The following CACNA2D3 variants were observed in gnomAD, a reference collection of about 807,000 sequenced individuals.
CACNA2D3 encodes voltage-dependent calcium channel subunit alpha-2/delta-3.
CACNA2D3 carries 60 observed loss-of-function variants against 160.6 expected under a neutral mutation model. The observed-to-expected ratio is 0.37, with a 90% confidence interval of 0.30 to 0.46. The LOEUF (loss-of-function observed/expected upper bound fraction) is 0.46, where lower values mean the gene tolerates loss of function less well. CACNA2D3 is among the 20% of genes least tolerant of loss of function. The pLI is 1.00. For missense variants in CACNA2D3, 1,205 were observed against 1,365.0 expected, an observed-to-expected ratio of 0.88 and a Z score of 1.85; for synonymous variants, 558 against 492.9, an observed-to-expected ratio of 1.13 and a Z score of -1.75.
At chr3:54,989,218 A>G (rs1425014978) in intron 31 of CACNA2D3, among the ~76,000 whole-genome samples, 1 of 152,136 alleles carries the variant, frequency 6.6e-6, no homozygotes, top group Non-Finnish European at 1.5e-5. Flanking sequence ...ACATTTTTCA[A>G]CTTCTTTAAC....
chr3:54,803,208 G>C (rs1703036130), intron 13 of CACNA2D3, among the ~76,000 whole-genome samples: 1 of 152,234 alleles, frequency 6.6e-6, no homozygotes, highest in Admixed American at 6.5e-5. Context: ...AAGCTGGACG[G>C]AGAATGACTT....
chr3:54,163,475 G>A (rs751298917), intron 2 of CACNA2D3, among the ~76,000 whole-genome samples: 9 of 152,162 alleles, frequency 5.9e-5, no homozygotes, highest in Non-Finnish European at 2.9e-5. Flanking sequence ...GGGCGATGGT[G>A]GAATCCATAA....
At chr3:54,259,079 A>G (rs1702355569) in intron 2 of CACNA2D3, among the ~76,000 whole-genome samples, 1 of 152,202 alleles carries the variant, frequency 6.6e-6, no homozygotes, top group South Asian at 2.1e-4. Context: ...TTCAGCCACA[A>G]TGTGGGCAGG....
At chr3:54,649,572 G>C (rs945818331) in intron 11 of CACNA2D3, among the ~76,000 whole-genome samples, 3 of 152,254 alleles carry the variant, frequency 2.0e-5, no homozygotes, top group Non-Finnish European at 4.4e-5. Context: ...GCATGGTACA[G>C]TTCTTTTTGA....
At position 54,899,792 on chromosome 3, in the gene CACNA2D3, A is replaced by G. The variant is rs1472337054; in HGVS notation, c.2373A>G (p.Pro791=). ...FVYSIPFSTG[P]VNKSNVVTAS... ...TGGTGTTTTTTCTTTTCACAGGACC[A>G]GTCAATAAAAGCAATGTGGTGACAG... Residue 791 remains proline, a synonymous_variant, in exon 27 of 38, where the codon CCA becomes CCG. Coordinates refer to ENST00000474759, the MANE Select transcript of CACNA2D3 (RefSeq NM_018398.3). 1 of 1,606,676 alleles carries G rather than the reference A, an allele frequency of 6.2e-7. No homozygotes were observed. Among genetic ancestry groups the G allele is most frequent in the Non-Finnish European group, 8.5e-7 (1 of 1,176,038 alleles).
intron 13 of CACNA2D3, among the ~76,000 whole-genome samples, chr3:54,808,552 C>T (rs1348160100): frequency 6.6e-6 from 1 of 152,006 alleles, no homozygotes; most frequent in African/African-American, 2.4e-5. Context: ...GTTGCTGTGG[C>T]CGAGGGAAAG....
At chr3:54,818,229 A>C (rs1703503142) in intron 14 of CACNA2D3, among the ~76,000 whole-genome samples, 2 of 152,174 alleles carry the variant, frequency 1.3e-5, no homozygotes, top group Non-Finnish European at 2.9e-5. Context: ...TCACTATGTC[A>C]CCCAGGCTGG....
rs1391329088 is a variant in CACNA2D3, at chr3:55,074,395, A to G, written c.*189A>G. 4.0e-6 allele frequency: 2 copies of G among 494,098 alleles called. No individual in the cohort carries two copies. Among genetic ancestry groups the G allele is most frequent in the East Asian group, 3.0e-5 (1 of 33,846 alleles). 30.6% of individuals were successfully genotyped at this position (494,098 alleles called of 1,614,324 possible). ...ATATGTTGACAAAAAGTTATCTATC[A>G]TCTTTTTACTTTGCCAGTCATGCAA... On this transcript the variant is annotated 3_prime_UTR_variant, in exon 38 of 38. Transcript: ENST00000474759.
At chr3:54,150,939 G>A (rs1281323616) in intron 2 of CACNA2D3, among the ~76,000 whole-genome samples, 1 of 150,934 alleles carries the variant, frequency 6.6e-6, no homozygotes, top group Non-Finnish European at 1.5e-5. Flanking sequence ...GTGGATAGAC[G>A]AATGAATGGA....
intron 3 of CACNA2D3, among the ~76,000 whole-genome samples, chr3:54,363,963 C>T (rs1290720901): frequency 6.6e-6 from 1 of 152,176 alleles, no homozygotes; most frequent in Non-Finnish European, 1.5e-5. Flanking sequence ...ATGGACATCT[C>T]TAACCTCCAA....
intron 4 of CACNA2D3, among the ~76,000 whole-genome samples, chr3:54,493,019 T>TATAA (rs374106341): frequency 0.018 from 2,765 of 150,836 alleles, 81 homozygotes; most frequent in East Asian, 0.1. Context: ...ACATATGAGT[T>TATAA]ATAAATAAAT....
At chr3:54,639,376 C>T (rs1222953327) in intron 10 of CACNA2D3, 2 of 152,218 alleles carry the variant, frequency 1.3e-5, no homozygotes, top group African/African-American at 2.4e-5. Context: ...ATCAGAGAGG[C>T]GTCCCTGCAA....
At chr3:54,984,709 C>T (rs1408518665) in intron 30 of CACNA2D3, 39 bp downstream of exon 30, 2 of 1,313,588 alleles carry the variant, frequency 1.5e-6, no homozygotes, top group Non-Finnish European at 2.1e-6. Context: ...GTAAGGATCT[C>T]AGAATGTGCT....
chr3:54,352,867 T>C (rs1265129710), intron 3 of CACNA2D3, among the ~76,000 whole-genome samples: 1 of 152,232 alleles, frequency 6.6e-6, no homozygotes, highest in Non-Finnish European at 1.5e-5. Context: ...TTTTTTTAAT[T>C]TTTAATTCTT....
At chr3:54,513,655 C>G (rs189453147) in intron 5 of CACNA2D3, among the ~76,000 whole-genome samples, 2 of 151,900 alleles carry the variant, frequency 1.3e-5, no homozygotes, top group Admixed American at 6.5e-5. Flanking sequence ...TTTCAGCTAG[C>G]TATGTCATGC....
At position 55,051,214 on chromosome 3, in the gene CACNA2D3, T is replaced by G. The variant is rs1415332102; in HGVS notation, c.2988-22231T>G. On this transcript the variant is annotated intron_variant, in intron 35 of 37. Coordinates refer to ENST00000474759, the MANE Select transcript of CACNA2D3 (RefSeq NM_018398.3). ...AGAATTTCCAGTTTTTCTGCTCTGTTTTTTCCCCATCTTTGTGGTTTTATC... is the reference window on the plus strand; with the variant it reads ...AGAATTTCCAGTTTTTCTGCTCTGTGTTTTCCCCATCTTTGTGGTTTTATC... Among the ~76,000 whole-genome samples, 3 of 152,304 alleles carry G rather than the reference T, an allele frequency of 2.0e-5. No individual in the cohort carries two copies. In the East Asian group the frequency reaches 5.8e-4, roughly 29 times the overall value.
chr3:54,544,146 CTA>C (rs1370819325), intron 5 of CACNA2D3, among the ~76,000 whole-genome samples: 2 of 152,004 alleles, frequency 1.3e-5, no homozygotes, highest in Non-Finnish European at 2.9e-5. Flanking sequence ...TATGTTTTAT[CTA>C]TAATTCAATT....
intron 4 of CACNA2D3, among the ~76,000 whole-genome samples, chr3:54,420,456 A>G (rs370842422): frequency 1.3e-4 from 20 of 152,308 alleles, no homozygotes; most frequent in African/African-American, 4.6e-4. Context: ...AGTGTCGTCT[A>G]TATTGGACTT....
intron 11 of CACNA2D3, among the ~76,000 whole-genome samples, chr3:54,675,200 C>T (rs1007564409): frequency 6.6e-6 from 1 of 152,102 alleles, no homozygotes; most frequent in African/African-American, 2.4e-5. Context: ...GAGACAGGGC[C>T]ATCACTTGAT....
Sources: allele counts gnomAD v4.1 joint callset (sites outside exome capture counted in the v4.1 genomes callset), GRCh38; gene constraint gnomAD v4.1.1; transcripts MANE v1.5; gene names NCBI Gene and HGNC (gene_info 2026-07-23, HGNC 2026-07-21).